Variants in R3HDM1 observed in about 807,000 individuals in gnomAD.
R3HDM1 encodes R3H domain containing 1.
A neutral mutation model predicts 141.1 loss-of-function variants in R3HDM1; 46 were observed. That is an observed-to-expected ratio of 0.33 (90% confidence interval 0.26 to 0.42). R3HDM1 has a LOEUF of 0.42. Among genes scored for constraint, R3HDM1 ranks in the 10% least tolerant of loss-of-function variants. The pLI, the probability that R3HDM1 is intolerant of heterozygous loss-of-function variation, is 1.00. For missense variants in R3HDM1, 1,184 were observed against 1,368.3 expected (o/e 0.87, Z 2.12); for synonymous variants, 435 against 472.9 (o/e 0.92, Z 1.04).
intron 21 of R3HDM1, among the ~76,000 whole-genome samples, chr2:135,681,826 C>A (rs1335541993): frequency 6.6e-6 from 1 of 151,930 alleles, no homozygotes. Flanking sequence ...TACCCACAGT[C>A]AGAAATGTTA....
intron 1 of R3HDM1, among the ~76,000 whole-genome samples, chr2:135,534,311 A>G (rs1695566509): frequency 6.6e-6 from 1 of 152,234 alleles, no homozygotes; most frequent in African/African-American, 2.4e-5. Context: ...GTGCTACCAG[A>G]TGACATTTGA....
At chr2:135,667,504 T>C (rs2067699998) in intron 19 of R3HDM1, 1 of 510,444 alleles carries the variant, frequency 2.0e-6, no homozygotes, top group African/African-American at 2.1e-5. Flanking sequence ...AATATTGACG[T>C]AAATTCCTAT....
chr2:135,660,661 C>A (rs900727199), intron 18 of R3HDM1, among the ~76,000 whole-genome samples: 1 of 151,962 alleles, frequency 6.6e-6, no homozygotes, highest in East Asian at 1.9e-4. Flanking sequence ...GCCTGGCCAA[C>A]GTGGTGAAAC....
intron 1 of R3HDM1, among the ~76,000 whole-genome samples, chr2:135,589,806 T>C (rs1708819492): frequency 6.6e-6 from 1 of 152,000 alleles, no homozygotes; most frequent in African/African-American, 2.4e-5. Context: ...AATATATCTG[T>C]CACATTATAT....
chr2:135,610,056 T>A (rs2060392354), intron 3 of R3HDM1, among the ~76,000 whole-genome samples: 2 of 151,748 alleles, frequency 1.3e-5, no homozygotes, highest in Middle Eastern at 3.2e-3. Context: ...AAAAAAAAAA[T>A]TTAAAAAACT....
chr2:135,557,935 T>A (rs1253444917), intron 1 of R3HDM1, among the ~76,000 whole-genome samples: 1 of 152,164 alleles, frequency 6.6e-6, no homozygotes, highest in Non-Finnish European at 1.5e-5. Flanking sequence ...TGACATCAGA[T>A]CTTAGAATAC....
intron 14 of R3HDM1, among the ~76,000 whole-genome samples, chr2:135,640,953 T>G (rs1259966462): frequency 1.3e-5 from 2 of 152,254 alleles, no homozygotes; most frequent in Non-Finnish European, 2.9e-5. Context: ...ATGGTATCTC[T>G]GTCCCTTGAT....
chr2:135,643,258 C>T (rs1297648682), intron 15 of R3HDM1, among the ~76,000 whole-genome samples: 1 of 152,080 alleles, frequency 6.6e-6, no homozygotes, highest in East Asian at 1.9e-4. Flanking sequence ...AACAAATACC[C>T]AGGACAACTT....
At chr2:135,667,841 C>CTT (rs2067767032) in intron 19 of R3HDM1, 1 of 849,208 alleles carries the variant, frequency 1.2e-6, no homozygotes, top group Non-Finnish European at 1.4e-6. Context: ...CCCACTCTTG[C>CTT]TTTTGTCTGA....
At chr2:135,691,085 T>C (rs1440476122) in intron 21 of R3HDM1, among the ~76,000 whole-genome samples, 1 of 152,232 alleles carries the variant, frequency 6.6e-6, no homozygotes, top group Non-Finnish European at 1.5e-5. Context: ...CTATGTACCT[T>C]GTTTAGGTCT....
intron 21 of R3HDM1, among the ~76,000 whole-genome samples, 170 bp from the exon 22 acceptor site, chr2:135,709,263 T>C (rs570603885): frequency 1.4e-4 from 21 of 152,258 alleles, no homozygotes; most frequent in African/African-American, 2.9e-4. Context: ...TTAGTAGACA[T>C]GGGGTTTCAC....
chr2:135,582,763 G>C (rs1707107725), intron 1 of R3HDM1, among the ~76,000 whole-genome samples: 1 of 152,140 alleles, frequency 6.6e-6, no homozygotes, highest in Admixed American at 6.5e-5. Flanking sequence ...TTGTATATTT[G>C]CTAATAGAGG....
chr2:135,699,061 ATTGATTAGATAGAT>A (rs2073832695), intron 21 of R3HDM1, among the ~76,000 whole-genome samples: 2 of 107,184 alleles, frequency 1.9e-5, no homozygotes, highest in South Asian at 3.0e-4. Flanking sequence ...GATAAGATAG[ATTGATTAGATAGAT>A]TAGATAGATA....
At position 135,724,703 on chromosome 2, in the gene R3HDM1, G is replaced by A. The variant is rs1215650664; in HGVS notation, c.*411G>A. The A allele has an allele frequency of 1.0e-4, 16 of 156,262 alleles. No individual in the cohort carries two copies. The highest frequency in any genetic ancestry group is 8.5e-5 in the Non-Finnish European group (6 of 70,592). The allele number at this position is 156,262 out of a possible 1,614,324, so 9.7% of individuals were successfully genotyped here. ...ATGTGACCCAACTTAAAATTTGGGG[G>A]AAAAAGAATGCAGGAGTGAAATAAC... On this transcript the variant is annotated 3_prime_UTR_variant, in exon 27 of 27. Coordinates refer to ENST00000683871, the MANE Select transcript of R3HDM1 (RefSeq NM_001378107.1).
chr2:135,651,009 T>C, intron 17 of R3HDM1: 1 of 985,452 alleles, frequency 1.0e-6, no homozygotes. Context: ...CTGGTCCTTA[T>C]CCTGTTGAAT....
Position 135,650,251 on chromosome 2 carries a change from G to T in R3HDM1, c.1725+248G>T, listed in dbSNP as rs898859802. On this transcript the variant is annotated intron_variant, in intron 17 of 26. Coordinates refer to ENST00000683871, the MANE Select transcript of R3HDM1 (RefSeq NM_001378107.1). Reference sequence around the variant, plus strand: ...TTCATAACGAAAGAATTTTCAGGTTGATTATTCTAGTCCTAAGATGTTTTA... The same window carrying T: ...TTCATAACGAAAGAATTTTCAGGTTTATTATTCTAGTCCTAAGATGTTTTA... The T allele has an allele frequency of 5.1e-6, 5 of 984,660 alleles. No homozygotes were observed. The Admixed American group carries it at 2.5e-4, about 48-fold the overall frequency. 61.0% of individuals were successfully genotyped at this position (984,660 alleles called of 1,614,324 possible).
chr2:135,701,765 T>C (rs1369764160), intron 21 of R3HDM1, among the ~76,000 whole-genome samples: 1 of 152,184 alleles, frequency 6.6e-6, no homozygotes, highest in African/African-American at 2.4e-5. Context: ...ATTTAAAACT[T>C]ATAAAGTGTT....
At chr2:135,655,888 C>A (rs1278581205) in intron 18 of R3HDM1, among the ~76,000 whole-genome samples, 1 of 152,028 alleles carries the variant, frequency 6.6e-6, no homozygotes, top group Non-Finnish European at 1.5e-5. Flanking sequence ...CAAAAAAAGA[C>A]CTTTGGAGTG....
At chr2:135,657,078 A>G (rs938569719) in intron 18 of R3HDM1, among the ~76,000 whole-genome samples, 1 of 151,502 alleles carries the variant, frequency 6.6e-6, no homozygotes, top group South Asian at 2.1e-4. Flanking sequence ...TCTGGGCCAC[A>G]GAGCAAGATT....
Sources: allele counts gnomAD v4.1 joint callset (sites outside exome capture counted in the v4.1 genomes callset), GRCh38; gene constraint gnomAD v4.1.1; transcripts MANE v1.5; gene names NCBI Gene and HGNC (gene_info 2026-07-23, HGNC 2026-07-21).